Variants in SLC35B1 observed in about 807,000 individuals in gnomAD.
SLC35B1 encodes ATP/ADP exchanger ER.
A neutral mutation model predicts 36.6 loss-of-function variants in SLC35B1; 27 were observed. The ratio of observed to expected loss-of-function variants is 0.74; its 90% CI spans 0.54 to 1.02. SLC35B1 has a LOEUF of 1.02. SLC35B1 is among the 50% of genes least tolerant of loss of function. The pLI is 0.00. For synonymous variants in SLC35B1, 162 were observed against 152.5 expected (o/e 1.06, Z -0.46); for missense variants, 321 against 383.2 (o/e 0.84, Z 1.35).
At chr17:49,703,401 A>C (rs2073377376) in intron 6 of SLC35B1, 107 bp from the exon 7 acceptor site, 2 of 755,318 alleles carry the variant, frequency 2.6e-6, no homozygotes, top group Non-Finnish European at 4.7e-6. Context: ...TGGCCTGTTA[A>C]AGAACTGCAA....
chr17:49,708,081 C>T (rs1241823091), upstream of SLC35B1: 1 of 792,654 alleles, frequency 1.3e-6, no homozygotes, highest in South Asian at 1.5e-5. Flanking sequence ...GGGACCTTGG[C>T]TCCATCCCTG....
At position 49,705,199 on chromosome 17, in the gene SLC35B1, C is replaced by A. The variant is rs780861702; in HGVS notation, c.453G>T (p.Val151=). The part of the protein sequence containing the change: ...YLCVLLIVAG[V]ALFMYKPKKV... ...TCTTGGGTTTGTACATGAAAAGGGCCACTCCAGCCACAATTAACAGCACAC... is the reference window on the plus strand; with the variant it reads ...TCTTGGGTTTGTACATGAAAAGGGCAACTCCAGCCACAATTAACAGCACAC... The change falls in exon 5 of 9, where the codon GTG becomes GTT. Residue 151 remains valine (V), a synonymous_variant. Transcript: ENST00000240333. 6.2e-7 allele frequency: 1 copy of A among 1,614,150 alleles called. No homozygotes were observed. The highest frequency in any genetic ancestry group is 8.5e-7 in the Non-Finnish European group (1 of 1,180,014).
chr17:49,704,118 T>C lies in SLC35B1; in HGVS notation c.637A>G (p.Thr213Ala), dbSNP rs1412805952. Residue 213 changes from threonine (T) to alanine (A), a missense_variant, in exon 6 of 9, where the codon ACA becomes GCA. Thr to Ala is a moderately conservative substitution (Grantham distance 58). Coordinates refer to ENST00000240333, the MANE Select transcript of SLC35B1 (RefSeq NM_005827.4). ...CTCTCACCCATTCCCAGCAGCAATGTCGACCAAAGGTTGATGTTCAGCATC... is the reference window on the plus strand; with the variant it reads ...CTCTCACCCATTCCCAGCAGCAATGCCGACCAAAGGTTGATGTTCAGCATC... The part of the protein sequence containing the change: ...HMMLNINLWS[T>A]LLLGMGILFT... The C allele has an allele frequency of 6.2e-7, 1 of 1,614,192 alleles. No individual in the cohort carries two copies. The highest frequency in any genetic ancestry group is 8.5e-7 in the Non-Finnish European group (1 of 1,180,016).
rs140273030 is a variant in SLC35B1 at position 49,706,884 on chromosome 17, T to C, written c.208+81A>G. 6.1e-6 allele frequency: 6 copies of C among 991,454 alleles called. No individual in the cohort carries two copies. The Admixed American group carries it at 7.0e-5, about 12-fold the overall frequency. 61.4% of individuals were successfully genotyped at this position (991,454 alleles called of 1,614,324 possible). ...GGAGATCATGAGTTAGCCTTTAAGG[T>C]TGAATCAATGCTTAATGCCCAGCAT... On this transcript the variant is annotated intron_variant, in intron 2 of 8. Transcript: ENST00000240333.
chr17:49,706,914 A>G (rs762546251), intron 2 of SLC35B1, 51 bp downstream of exon 2: 4 of 1,292,624 alleles, frequency 3.1e-6, no homozygotes, highest in Non-Finnish European at 4.5e-6. Flanking sequence ...CAGCATACTG[A>G]GGGAACTTGG....
rs61136804 is a variant in SLC35B1, at chr17:49,706,346, C to CAAAAAAAAAAAAAAAAAAAA, written c.209-13_209-12insTTTTTTTTTTTTTTTTTTTT. On this transcript the variant is annotated splice_polypyrimidine_tract_variant and intron_variant, in intron 2 of 8. Transcript: ENST00000240333. The stretch of plus-strand genomic sequence containing the variant: ...AAAAAACTGGATCACTGGGAGAAGA[C>CAAAAAAAAAAAAAAAAAAAA]AAAAAAAAAAAAAAAAAAAGAAAAG... 13 of 733,610 alleles carry CAAAAAAAAAAAAAAAAAAAA rather than the reference C, an allele frequency of 1.8e-5. No homozygotes were observed. Among genetic ancestry groups the CAAAAAAAAAAAAAAAAAAAA allele is most frequent in the South Asian group, 9.2e-5 (2 of 21,790 alleles). The allele number at this position is 733,610 out of a possible 1,614,324, so 45.4% of individuals were successfully genotyped here.
chr17:49,707,239 T>G, intron 1 of SLC35B1, 171 bp from the exon 2 acceptor site: 3 of 1,405,836 alleles, frequency 2.1e-6, no homozygotes, highest in Non-Finnish European at 2.8e-6. Flanking sequence ...TTTTACTGGA[T>G]CTAGAAACTA....
At position 49,704,172 on chromosome 17, in the gene SLC35B1, C is replaced by T. The variant is rs747193551; in HGVS notation, c.583G>A (p.Ala195Thr). 2.5e-6 allele frequency: 4 copies of T among 1,614,102 alleles called. No homozygotes were observed. The highest frequency in any genetic ancestry group is 1.1e-5 in the South Asian group (1 of 91,082). The change falls in exon 6 of 9, where the codon GCT becomes ACT. Residue 195 changes from alanine (A) to threonine (T), a missense_variant. Transcript: ENST00000240333. ...LTGVSQDHMR[A>T]HYQTGSNHMM... ...TGGTTGGAGCCTGTTTGGTAATGAG[C>T]CCGCATGTGGTCCTGGGAAACACCA...
intron 4 of SLC35B1, chr17:49,705,525 G>T: frequency 1.7e-6 from 1 of 590,404 alleles, no homozygotes; most frequent in Non-Finnish European, 3.0e-6. Context: ...ACAGGACAAG[G>T]GTAGGGAACA....
chr17:49,703,937 G>A (rs2143651934), intron 6 of SLC35B1, 163 bp downstream of exon 6: 3 of 765,248 alleles, frequency 3.9e-6, no homozygotes, highest in African/African-American at 1.7e-5. Context: ...AATCCTGCTG[G>A]TGCAGGTTTT....
In SLC35B1 at chr17:49,707,943, A is replaced by C. The variant is rs752273089; in HGVS notation, c.-110T>G. ...ATCGCCGACCGGCGGCAGGGGCCTCATAGGAGCTGCATGCGACCGCTGTCC... is the reference window on the plus strand; with the variant it reads ...ATCGCCGACCGGCGGCAGGGGCCTCCTAGGAGCTGCATGCGACCGCTGTCC... On this transcript the variant is annotated 5_prime_UTR_variant, in exon 1 of 9. It removes an upstream start codon present in the reference 5' UTR. Coordinates refer to ENST00000240333, the MANE Select transcript of SLC35B1 (RefSeq NM_005827.4). The C allele has an allele frequency of 6.4e-7, 1 of 1,555,998 alleles. No individual in the cohort carries two copies. The highest frequency in any genetic ancestry group is 1.2e-5 in the South Asian group (1 of 85,048).
At chr17:49,705,700 A>T in intron 4 of SLC35B1, 166 bp downstream of exon 4, 1 of 727,712 alleles carries the variant, frequency 1.4e-6, no homozygotes, top group East Asian at 2.5e-5. Context: ...TGAACATCAC[A>T]AGAAGTGACA....
In SLC35B1 at chr17:49,707,370, C is replaced by A. The variant is rs760542317; in HGVS notation, c.105-302G>T. On this transcript the variant is annotated intron_variant, in intron 1 of 8. Coordinates refer to ENST00000240333, the MANE Select transcript of SLC35B1 (RefSeq NM_005827.4). ...CAGGCAGGAGGAGACGGTATTTCGGCTATGGCACCAAGGCCGAGGACGAAT... is the reference window on the plus strand; with the variant it reads ...CAGGCAGGAGGAGACGGTATTTCGGATATGGCACCAAGGCCGAGGACGAAT... 4.9e-6 allele frequency: 7 copies of A among 1,429,902 alleles called. No individual in the cohort carries two copies. The South Asian group carries it at 8.5e-5, about 17-fold the overall frequency. The allele number at this position is 1,429,902 out of a possible 1,614,324, so 88.6% of individuals were successfully genotyped here. A position where few individuals can be genotyped will look rare whatever the true frequency, so the allele number is the denominator to read the frequency against.
intron 1 of SLC35B1, 194 bp downstream of exon 1, chr17:49,707,536 G>GAAGAATCCA: frequency 6.7e-7 from 1 of 1,488,430 alleles, no homozygotes; most frequent in Non-Finnish European, 8.9e-7. Context: ...AACCAAGTCC[G>GAAGAATCCA]AAGAATCCAG....
intron 6 of SLC35B1, 69 bp from the exon 7 acceptor site, chr17:49,703,363 CACA>C: frequency 1.1e-6 from 1 of 890,314 alleles, no homozygotes; most frequent in Non-Finnish European, 1.9e-6. Context: ...CACACACACA[CACA>C]CACACACACA....
In SLC35B1 at chr17:49,701,590, G is replaced by A. The variant is rs560941516; in HGVS notation, c.917-80C>T. 4.4e-5 allele frequency: 52 copies of A among 1,192,672 alleles called. No individual in the cohort carries two copies. In the East Asian group the frequency reaches 7.7e-4, roughly 18 times the overall value. The allele number at this position is 1,192,672 out of a possible 1,614,324, so 73.9% of individuals were successfully genotyped here. A position where few individuals can be genotyped will look rare whatever the true frequency, so the allele number is the denominator to read the frequency against. The stretch of plus-strand genomic sequence containing the variant: ...ATGATTGTGGTGGGGTGGGGTAGTC[G>A]GCCTTGTATCTCCAAAATGGGGGCT... On this transcript the variant is annotated intron_variant, in intron 8 of 8. Transcript: ENST00000240333.
intron 6 of SLC35B1, 97 bp downstream of exon 6, chr17:49,704,003 C>A (rs753773006): frequency 1.3e-6 from 2 of 1,533,342 alleles, no homozygotes; most frequent in Admixed American, 1.7e-5. Context: ...CTAATTCAGG[C>A]CCTTGGTCTG....
At chr17:49,706,470 G>A (rs1313872229) in intron 2 of SLC35B1, 136 bp from the exon 3 acceptor site, 14 of 794,564 alleles carry the variant, frequency 1.8e-5, no homozygotes, top group Non-Finnish European at 2.6e-5. Flanking sequence ...TGTCAAACAA[G>A]ACACAAGCTA....
In SLC35B1 at chr17:49,707,666, G is replaced by A. The variant is rs4383192; in HGVS notation, c.104+64C>T. ...AGAGGAAAGCCCGGGTCCAGAGGCA[G>A]AAGGCCCGGGATCCCTGTCACAGGC... On this transcript the variant is annotated intron_variant, in intron 1 of 8. Transcript: ENST00000240333. 17 of 1,557,830 alleles carry A rather than the reference G, an allele frequency of 1.1e-5. No individual in the cohort carries two copies. In the African/African-American group the frequency reaches 2.2e-4, roughly 20 times the overall value.
Sources: gnomAD v4.1 joint callset for allele counts on GRCh38, gnomAD v4.1.1 for gene constraint, MANE v1.5 for transcripts, NCBI Gene and HGNC (gene_info 2026-07-23, HGNC 2026-07-21) for gene names.